The following GRID2 variants were observed in gnomAD, a reference collection of about 807,000 sequenced individuals.
The protein encoded by GRID2 is glutamate ionotropic receptor delta type subunit 2.
Under a neutral mutation model 114.8 loss-of-function variants are expected in GRID2, and 33 were observed. The ratio of observed to expected loss-of-function variants is 0.29; its 90% CI spans 0.22 to 0.38. The LOEUF is 0.38. GRID2 is among the 10% of genes least tolerant of loss of function. GRID2 has a pLI of 1.00. For synonymous variants in GRID2, 505 were observed against 449.9 expected (o/e 1.12, Z -1.55); for missense variants, 1,184 against 1,257.7 (o/e 0.94, Z 0.89).
chr4:93,238,689 C>A (rs61145484), intron 8 of GRID2, among the ~76,000 whole-genome samples, 199 bp downstream of exon 8: 1 of 151,354 alleles, frequency 6.6e-6, no homozygotes, highest in Admixed American at 6.6e-5. Context: ...CTATTTCCGA[C>A]TTAGAATAAT....
intron 8 of GRID2, among the ~76,000 whole-genome samples, chr4:93,244,844 A>T (rs1303290827): frequency 6.6e-6 from 1 of 151,556 alleles, no homozygotes; most frequent in Non-Finnish European, 1.5e-5. Flanking sequence ...CTAAAATGAC[A>T]TTTATCTTTT....
chr4:93,697,127 C>G (rs1170735057), intron 14 of GRID2, among the ~76,000 whole-genome samples: 1 of 152,092 alleles, frequency 6.6e-6, no homozygotes, highest in Non-Finnish European at 1.5e-5. Flanking sequence ...TTGATAAACA[C>G]TGGGTTTCTG....
rs62311173 is a variant in GRID2, at chr4:92,935,479, C to G, written c.245-149516C>G. On this transcript the variant is annotated intron_variant, in intron 2 of 15. Transcript: ENST00000282020. ...AACCATTGTGGAAGTCAGTGTGGCG[C>G]TTCCTCAGGGATCTAGAACTAGAAA... is the stretch of plus-strand genomic sequence containing the variant. Among the ~76,000 whole-genome samples, 12 of 145,510 alleles carry G rather than the reference C, an allele frequency of 8.2e-5. 1 individual carries two copies. Among genetic ancestry groups the G allele is most frequent in the Non-Finnish European group, 1.7e-4 (11 of 65,854 alleles).
chr4:93,186,567 C>G (rs1740442639), intron 4 of GRID2, among the ~76,000 whole-genome samples: 1 of 152,164 alleles, frequency 6.6e-6, no homozygotes. Flanking sequence ...CCTACATGCT[C>G]TTCCCACTCT....
At chr4:93,337,116 G>A (rs1759170053) in intron 8 of GRID2, among the ~76,000 whole-genome samples, 1 of 152,122 alleles carries the variant, frequency 6.6e-6, no homozygotes, top group Admixed American at 6.5e-5. Context: ...ATTCCATAGA[G>A]AAGTAAATAA....
intron 2 of GRID2, among the ~76,000 whole-genome samples, chr4:92,882,710 G>A (rs565616835): frequency 6.6e-6 from 1 of 152,308 alleles, no homozygotes; most frequent in South Asian, 2.1e-4. Flanking sequence ...TCACAAAGAT[G>A]TTTGGTGTCC....
At chr4:93,663,006 G>A (rs1208838771) in intron 14 of GRID2, among the ~76,000 whole-genome samples, 2 of 152,154 alleles carry the variant, frequency 1.3e-5, no homozygotes, top group African/African-American at 4.8e-5. Flanking sequence ...ACCTAAACAG[G>A]TATCAAGCGA....
intron 2 of GRID2, among the ~76,000 whole-genome samples, chr4:93,029,561 T>C (rs1267617572): frequency 6.6e-6 from 1 of 152,102 alleles, no homozygotes; most frequent in Non-Finnish European, 1.5e-5. Flanking sequence ...AAATAGAAAG[T>C]ACCAGTAAAC....
intron 2 of GRID2, among the ~76,000 whole-genome samples, chr4:92,773,206 T>A (rs1464976983): frequency 6.6e-6 from 1 of 152,222 alleles, no homozygotes; most frequent in Non-Finnish European, 1.5e-5. Context: ...GATATAAAAC[T>A]GTGGCTATTT....
chr4:93,187,371 G>A lies in GRID2; in HGVS notation c.736-20033G>A, dbSNP rs748272183. On this transcript the variant is annotated intron_variant, in intron 4 of 15. Coordinates refer to ENST00000282020, the MANE Select transcript of GRID2 (RefSeq NM_001510.4). ...GGCTCTTAGCAACCTCTACCTCCAC[G>A]GTTCAAGCATTCTCTTGCCTCAGCC... Among the ~76,000 whole-genome samples, 60 of 151,914 alleles carry A rather than the reference G, an allele frequency of 3.9e-4. No homozygotes were observed. The South Asian group carries it at 4.0e-3, about 10-fold the overall frequency.
Position 93,734,951 on chromosome 4 carries a change from A to T in GRID2, c.2361-34259A>T, listed in dbSNP as rs151123356. ...ATTAATAAATAAGTCTTTGCTGCAA[A>T]TTCATTTTGAAGTGTAGTCATCCAA... On this transcript the variant is annotated intron_variant, in intron 14 of 15. Coordinates refer to ENST00000282020, the MANE Select transcript of GRID2 (RefSeq NM_001510.4). Among the ~76,000 whole-genome samples the T allele has an allele frequency of 4.6e-3, 700 of 152,110 alleles. 6 individuals are homozygous for T. Among genetic ancestry groups the T allele is most frequent in the African/African-American group, 0.016 (659 of 41,534 alleles).
intron 4 of GRID2, among the ~76,000 whole-genome samples, chr4:93,129,295 G>A (rs1365351170): frequency 6.6e-6 from 1 of 151,926 alleles, no homozygotes; most frequent in Non-Finnish European, 1.5e-5. Flanking sequence ...ATAAGAATAG[G>A]GTTATTTATT....
At chr4:93,688,527 G>A (rs1382217722) in intron 14 of GRID2, among the ~76,000 whole-genome samples, 3 of 151,974 alleles carry the variant, frequency 2.0e-5, no homozygotes, top group African/African-American at 4.8e-5. Flanking sequence ...AAAAGCATAA[G>A]AGTAATAATT....
intron 2 of GRID2, among the ~76,000 whole-genome samples, chr4:92,627,649 T>C (rs1404524556): frequency 2.0e-5 from 3 of 152,140 alleles, no homozygotes; most frequent in African/African-American, 7.2e-5. Flanking sequence ...TAATTCTTTA[T>C]ACAATAAAAT....
intron 2 of GRID2, among the ~76,000 whole-genome samples, chr4:92,795,609 T>C (rs1159811517): frequency 6.6e-6 from 1 of 152,014 alleles, no homozygotes; most frequent in Non-Finnish European, 1.5e-5. Flanking sequence ...TAAAAATGTG[T>C]CTATACCATA....
chr4:93,111,010 T>A, intron 4 of GRID2, 57 bp downstream of exon 4: 1 of 1,089,264 alleles, frequency 9.2e-7, no homozygotes. Context: ...AGCTTTGGAA[T>A]AGACCCTACA....
chr4:93,364,742 G>C (rs1243066749), intron 8 of GRID2, among the ~76,000 whole-genome samples: 1 of 152,094 alleles, frequency 6.6e-6, no homozygotes, highest in East Asian at 1.9e-4. Context: ...ACCTCCCAAA[G>C]CCATGGGATT....
intron 4 of GRID2, among the ~76,000 whole-genome samples, chr4:93,189,773 CCACACA>C (rs34137840): frequency 0.36 from 50,168 of 138,730 alleles, 9,350 homozygotes; most frequent in Admixed American, 0.5. Flanking sequence ...CCACACCACA[CCACACA>C]CACACACACA....
At chr4:92,351,091 G>A (rs1431373855) in intron 1 of GRID2, among the ~76,000 whole-genome samples, 1 of 151,726 alleles carries the variant, frequency 6.6e-6, no homozygotes, top group Non-Finnish European at 1.5e-5. Flanking sequence ...GAAAATTTGG[G>A]TTGTTTCCAC....
Sources: allele counts gnomAD v4.1 joint callset (sites outside exome capture counted in the v4.1 genomes callset), GRCh38; gene constraint gnomAD v4.1.1; transcripts MANE v1.5; gene names NCBI Gene and HGNC (gene_info 2026-07-23, HGNC 2026-07-21).